GHR: variants seen among roughly 807,000 people sequenced by gnomAD.
GHR encodes growth hormone receptor, also known as GH receptor.
In GHR, 35 loss-of-function variants were observed where a neutral mutation model predicts 67.1. The ratio of observed to expected loss-of-function variants is 0.52; its 90% CI spans 0.40 to 0.69. The LOEUF is 0.69. Among genes scored for constraint, GHR ranks in the 30% least tolerant of loss-of-function variants. The probability of loss-of-function intolerance (pLI) is 0.00; values close to 1 mark genes in which losing one functional copy is unlikely to be tolerated. For synonymous variants in GHR, 272 were observed against 269.1 expected (o/e 1.01, Z -0.10); for missense variants, 792 against 764.6 (o/e 1.04, Z -0.42).
chr5:42,576,134 A>G (rs1293392258), intron 2 of GHR, among the ~76,000 whole-genome samples: 17 of 101,268 alleles, frequency 1.7e-4, no homozygotes, highest in African/African-American at 6.6e-4. Context: ...AAAATAAAAT[A>G]AAATAAAATA....
At chr5:42,680,819 T>C (rs1485324008) in intron 3 of GHR, among the ~76,000 whole-genome samples, 2 of 150,870 alleles carry the variant, frequency 1.3e-5, no homozygotes, top group Non-Finnish European at 2.9e-5. Context: ...ACATGATTTT[T>C]TGATTGAATG....
At chr5:42,516,905 T>G (rs990782979) in intron 1 of GHR, among the ~76,000 whole-genome samples, 1 of 152,228 alleles carries the variant, frequency 6.6e-6, no homozygotes, top group Non-Finnish European at 1.5e-5. Flanking sequence ...GAAACCTGAT[T>G]GTTTGCACTT....
At chr5:42,560,094 A>T (rs1406858601) in intron 1 of GHR, among the ~76,000 whole-genome samples, 3 of 152,168 alleles carry the variant, frequency 2.0e-5, no homozygotes, top group Non-Finnish European at 4.4e-5. Flanking sequence ...AAAATACTTG[A>T]TACAAATTAG....
intron 6 of GHR, among the ~76,000 whole-genome samples, chr5:42,701,141 T>A (rs1016288522): frequency 6.6e-6 from 1 of 152,168 alleles, no homozygotes; most frequent in Non-Finnish European, 1.5e-5. Flanking sequence ...ATTTTCACAA[T>A]ACACTAAAAT....
intron 2 of GHR, among the ~76,000 whole-genome samples, chr5:42,603,397 C>A (rs1461328198): frequency 6.6e-6 from 1 of 152,024 alleles, no homozygotes; most frequent in African/African-American, 2.4e-5. Context: ...TATTTTCTTC[C>A]CGGGACTGGA....
At chr5:42,467,492 T>C in intron 1 of GHR, 1 of 1,059,484 alleles carries the variant, frequency 9.4e-7, no homozygotes, top group Non-Finnish European at 1.5e-6. Context: ...ATGTGGAGTT[T>C]CTGGTGCCGA....
intron 1 of GHR, among the ~76,000 whole-genome samples, chr5:42,530,192 G>T (rs866938877): frequency 6.6e-6 from 1 of 152,044 alleles, no homozygotes; most frequent in East Asian, 1.9e-4. Context: ...TACCATTTGT[G>T]TGTGTGTGTG....
At position 42,711,334 on chromosome 5, in the gene GHR, T is replaced by C; in HGVS notation, c.746T>C (p.Val249Ala). 6.2e-7 allele frequency: 1 copy of C among 1,613,138 alleles called. No individual in the cohort carries two copies. The highest frequency in any genetic ancestry group is 1.7e-5 in the Admixed American group (1 of 60,016). Residue 249 changes from valine to alanine, a missense_variant, in exon 7 of 10, where the codon GTA (valine) becomes GCA (alanine). Transcript: ENST00000230882. ...NYGEFSEVLYVTLPQMSQFTC... is the reference protein window; with the variant it reads ...NYGEFSEVLYATLPQMSQFTC... ...GGCGAGTTCAGTGAGGTGCTCTATG[T>C]AACACTTCCTCAGATGAGCCAATTT...
chr5:42,433,243 C>T (rs1392698897), intron 1 of GHR, among the ~76,000 whole-genome samples: 1 of 150,910 alleles, frequency 6.6e-6, no homozygotes, highest in Admixed American at 6.6e-5. Flanking sequence ...TGCTTTTGTC[C>T]TACAAAGTTT....
intron 1 of GHR, among the ~76,000 whole-genome samples, chr5:42,562,110 C>A (rs1203593518): frequency 1.3e-5 from 2 of 152,178 alleles, no homozygotes; most frequent in African/African-American, 4.8e-5. Context: ...TGTCCGCACT[C>A]TGACGTTTCC....
At chr5:42,552,111 G>C (rs1749065553) in intron 1 of GHR, among the ~76,000 whole-genome samples, 1 of 152,180 alleles carries the variant, frequency 6.6e-6, no homozygotes, top group Admixed American at 6.5e-5. Context: ...AACTGGTTTA[G>C]GAGAAACATG....
At chr5:42,582,274 T>C (rs1178638387) in intron 2 of GHR, among the ~76,000 whole-genome samples, 2 of 152,250 alleles carry the variant, frequency 1.3e-5, no homozygotes, top group South Asian at 2.1e-4. Context: ...GCCGGAAGCC[T>C]TGTGGCTGAG....
intron 1 of GHR, among the ~76,000 whole-genome samples, chr5:42,428,462 T>G (rs1310738837): frequency 6.6e-6 from 1 of 152,234 alleles, no homozygotes; most frequent in Non-Finnish European, 1.5e-5. Flanking sequence ...TTCCCTATTG[T>G]CTTGGTGACC....
At chr5:42,686,743 A>C (rs1413679080) in intron 3 of GHR, among the ~76,000 whole-genome samples, 1 of 152,232 alleles carries the variant, frequency 6.6e-6, no homozygotes, top group Non-Finnish European at 1.5e-5. Flanking sequence ...CAAAAGCTAG[A>C]AGCATTCCCT....
chr5:42,479,127 C>T (rs1469307485), intron 1 of GHR, among the ~76,000 whole-genome samples: 8 of 152,110 alleles, frequency 5.3e-5, no homozygotes, highest in South Asian at 4.1e-4. Flanking sequence ...GCCTTTTCTG[C>T]GTCTATTGAG....
At chr5:42,438,193 A>G (rs1036268614) in intron 1 of GHR, among the ~76,000 whole-genome samples, 6 of 152,162 alleles carry the variant, frequency 3.9e-5, no homozygotes, top group African/African-American at 1.4e-4. Flanking sequence ...ATTTAATCCC[A>G]CACAAAACCC....
At chr5:42,645,970 G>T (rs1224784974) in intron 3 of GHR, among the ~76,000 whole-genome samples, 1 of 151,992 alleles carries the variant, frequency 6.6e-6, no homozygotes, top group Non-Finnish European at 1.5e-5. Context: ...TCTCTGAAAA[G>T]AAAAATGAAA....
In GHR at chr5:42,596,121, G is replaced by T. The variant is rs531740548; in HGVS notation, c.70+30177G>T. Among the ~76,000 whole-genome samples, 7 of 152,256 alleles carry T rather than the reference G, an allele frequency of 4.6e-5. No homozygotes were observed. The East Asian group carries it at 1.2e-3, about 25-fold the overall frequency. On this transcript the variant is annotated intron_variant, in intron 2 of 9. Coordinates refer to ENST00000230882, the MANE Select transcript of GHR (RefSeq NM_000163.5). ...GAGTACGAAGAAGAATCTGTGAATG[G>T]CAGTCATTTTTTGTAGCTGGTTCCA...
chr5:42,697,470 C>T (rs1366382203), intron 5 of GHR, among the ~76,000 whole-genome samples: 1 of 152,036 alleles, frequency 6.6e-6, no homozygotes, highest in Non-Finnish European at 1.5e-5. Flanking sequence ...ATTGGCATCC[C>T]TGAGGCAGTG....
Sources: allele counts gnomAD v4.1 joint callset (sites outside exome capture counted in the v4.1 genomes callset), GRCh38; gene constraint gnomAD v4.1.1; transcripts MANE v1.5; gene names NCBI Gene and HGNC (gene_info 2026-07-23, HGNC 2026-07-21).